TENM2: variants seen among roughly 807,000 people sequenced by gnomAD.
TENM2 encodes the protein teneurin-2.
In TENM2, 52 loss-of-function variants were observed where a neutral mutation model predicts 245.2. The ratio of observed to expected loss-of-function variants is 0.21; its 90% confidence interval spans 0.17 to 0.27. The LOEUF is 0.27. Among genes scored for constraint, TENM2 ranks in the 10% least tolerant of loss-of-function variants. The probability of loss-of-function intolerance (pLI) is 1.00; values close to 1 mark genes in which losing one functional copy is unlikely to be tolerated. For missense variants in TENM2, 3,046 were observed against 3,666.8 expected (o/e 0.83, Z 4.37); for synonymous variants, 1,363 against 1,438.9 (o/e 0.95, Z 1.19).
chr5:167,703,090 A>C (rs886112222), intron 2 of TENM2, among the ~76,000 whole-genome samples: 13 of 152,150 alleles, frequency 8.5e-5, no homozygotes, highest in African/African-American at 3.1e-4. Context: ...AGGCACTCAT[A>C]CCTACATTCA....
At chr5:167,649,977 G>C (rs1177382662) in intron 2 of TENM2, among the ~76,000 whole-genome samples, 1 of 152,176 alleles carries the variant, frequency 6.6e-6, no homozygotes, top group Non-Finnish European at 1.5e-5. Flanking sequence ...TTATTGAAAA[G>C]AATGATTGAT....
chr5:166,994,766 A>C, the TENM2 span, among the ~76,000 whole-genome samples: 2 of 152,184 alleles, frequency 1.3e-5, no homozygotes, highest in Non-Finnish European at 2.9e-5. Flanking sequence ...TGGAAGAGGT[A>C]GCTTGCCATC....
the TENM2 span, among the ~76,000 whole-genome samples, chr5:167,236,116 G>A: frequency 0.21 from 32,413 of 152,070 alleles, 3,996 homozygotes; most frequent in African/African-American, 0.34. Flanking sequence ...AGGAAGTACT[G>A]TGTATTACCT....
intron 2 of TENM2, among the ~76,000 whole-genome samples, chr5:167,839,662 A>G (rs1583153770): frequency 6.6e-6 from 1 of 152,312 alleles, no homozygotes; most frequent in East Asian, 1.9e-4. Flanking sequence ...ATTTCTATTG[A>G]TATTGAAAAT....
chr5:167,032,100 T>G, the TENM2 span, among the ~76,000 whole-genome samples: 8 of 152,176 alleles, frequency 5.3e-5, no homozygotes, highest in Non-Finnish European at 1.0e-4. Flanking sequence ...GATATTAATT[T>G]TAAGTGAATA....
At chr5:167,588,995 G>T (rs1282571871) in intron 2 of TENM2, among the ~76,000 whole-genome samples, 1 of 152,144 alleles carries the variant, frequency 6.6e-6, no homozygotes, top group African/African-American at 2.4e-5. Flanking sequence ...AAGGTCAGGA[G>T]TTCGAGACCA....
At chr5:168,161,041 C>T (rs1031294212) in intron 12 of TENM2, among the ~76,000 whole-genome samples, 11 of 152,036 alleles carry the variant, frequency 7.2e-5, no homozygotes, top group African/African-American at 2.7e-4. Context: ...AAATTCCCAC[C>T]ACTGCCATAT....
intron 2 of TENM2, among the ~76,000 whole-genome samples, chr5:167,675,769 C>T (rs1756278567): frequency 6.6e-6 from 1 of 151,966 alleles, no homozygotes; most frequent in African/African-American, 2.4e-5. Context: ...TGGTACACGT[C>T]CAGAATGAAA....
chr5:167,231,849 G>A, the TENM2 span, among the ~76,000 whole-genome samples: 31,691 of 151,408 alleles, frequency 0.21, 3,874 homozygotes, highest in African/African-American at 0.34. Context: ...AGGCCTGGAG[G>A]CCTAGGAGGA....
chr5:168,157,389 G>A (rs1377065503), intron 12 of TENM2, among the ~76,000 whole-genome samples: 1 of 152,182 alleles, frequency 6.6e-6, no homozygotes. Flanking sequence ...AGTGTTTCCA[G>A]CAGTGTCCAG....
chr5:167,310,190 G>A (rs556888484), intron 1 of TENM2, among the ~76,000 whole-genome samples: 2 of 152,240 alleles, frequency 1.3e-5, no homozygotes, highest in Non-Finnish European at 2.9e-5. Flanking sequence ...TTTATTACAA[G>A]ATGCTGTTAT....
At chr5:168,250,785 G>A (rs548214797) in intron 27 of TENM2, among the ~76,000 whole-genome samples, 27 of 152,066 alleles carry the variant, frequency 1.8e-4, no homozygotes, top group Admixed American at 1.3e-4. Flanking sequence ...GGGCTTCCCC[G>A]CTTACCCCAT....
At position 167,521,717 on chromosome 5, in the gene TENM2, G is replaced by A. The variant is rs77444134; in HGVS notation, c.502+146244G>A. On this transcript the variant is annotated intron_variant, in intron 2 of 28. Coordinates refer to ENST00000518659, the Ensembl canonical transcript of TENM2. The stretch of plus-strand genomic sequence containing the variant: ...AAAAATATTGCTGTTGTGTTGGAGC[G>A]TGAAATTTATGCAGAATGGAATCCA... Among the ~76,000 whole-genome samples, 747 of 152,186 alleles carry A rather than the reference G, an allele frequency of 4.9e-3. 7 individuals are homozygous for A. Among genetic ancestry groups the A allele is most frequent in the African/African-American group, 0.017 (693 of 41,538 alleles).
chr5:167,645,853 T>C (rs944768161), intron 2 of TENM2, among the ~76,000 whole-genome samples: 2 of 152,016 alleles, frequency 1.3e-5, no homozygotes, highest in Non-Finnish European at 2.9e-5. Context: ...TATATGTATA[T>C]GTAATGCATA....
At chr5:168,030,454 C>T (rs1787042536) in intron 5 of TENM2, among the ~76,000 whole-genome samples, 1 of 152,138 alleles carries the variant, frequency 6.6e-6, no homozygotes, top group Non-Finnish European at 1.5e-5. Flanking sequence ...CTGGAAGGCT[C>T]ATTAACACAC....
chr5:167,165,474 C>G, the TENM2 span: 1 of 152,084 alleles, frequency 6.6e-6, no homozygotes, highest in Admixed American at 6.5e-5. Context: ...GTCTCTGACA[C>G]GAGGATGCGG....
chr5:167,228,819 C>T, the TENM2 span, among the ~76,000 whole-genome samples: 2 of 152,070 alleles, frequency 1.3e-5, no homozygotes, highest in Non-Finnish European at 2.9e-5. Context: ...ATTCTCCCAC[C>T]TCAGCCTCCT....
intron 2 of TENM2, among the ~76,000 whole-genome samples, chr5:167,576,020 A>C (rs1343494437): frequency 6.6e-6 from 1 of 152,226 alleles, no homozygotes; most frequent in Non-Finnish European, 1.5e-5. Flanking sequence ...GGGATGGGCC[A>C]AGAGAAATAT....
chr5:167,143,670 C>T, the TENM2 span, among the ~76,000 whole-genome samples: 4 of 152,124 alleles, frequency 2.6e-5, no homozygotes, highest in African/African-American at 9.7e-5. Context: ...TGACATTTTG[C>T]AAATAGTTTT....
Sources: allele counts gnomAD v4.1 joint callset (sites outside exome capture counted in the v4.1 genomes callset), GRCh38; gene constraint gnomAD v4.1.1; transcripts MANE v1.5; gene names NCBI Gene and HGNC (gene_info 2026-07-23, HGNC 2026-07-21).